HSDL2: variants seen among roughly 807,000 people sequenced by gnomAD.
HSDL2 encodes the protein hydroxysteroid dehydrogenase-like protein 2.
A neutral mutation model predicts 46.3 loss-of-function variants in HSDL2; 27 were observed. The ratio of observed to expected loss-of-function variants is 0.58; its 90% CI spans 0.43 to 0.80. HSDL2 has a LOEUF of 0.80. Ranked by LOEUF, HSDL2 falls within the 30% of genes least tolerant of loss-of-function variation. HSDL2 has a pLI of 0.00. For missense variants in HSDL2, 451 were observed against 502.7 expected (o/e 0.90, Z 0.98); for synonymous variants, 153 against 163.6 (o/e 0.94, Z 0.50).
At chr9:112,431,661 T>C (rs983966261) in intron 6 of HSDL2, among the ~76,000 whole-genome samples, 1 of 152,102 alleles carries the variant, frequency 6.6e-6, no homozygotes, top group African/African-American at 2.4e-5. Context: ...AGTTCTCATC[T>C]CGTTTTTAAA....
chr9:112,408,963 A>G lies in HSDL2; in HGVS notation c.337A>G (p.Thr113Ala). The G allele has an allele frequency of 1.2e-6, 2 of 1,609,532 alleles. No homozygotes were observed. The highest frequency in any genetic ancestry group is 1.7e-6 in the Non-Finnish European group (2 of 1,177,084). The change falls in exon 4 of 11, where the codon ACA becomes GCA. Residue 113 changes from threonine to alanine, a missense_variant. Physicochemically the swap from Thr to Ala is moderately conservative, Grantham distance 58 (BLOSUM62 0). Transcript: ENST00000398805. ...CATTAGTTTGACCAATACATTGGACACACCTACCAAGAGATTGGATCTGAT... is the reference window on the plus strand; with the variant it reads ...CATTAGTTTGACCAATACATTGGACGCACCTACCAAGAGATTGGATCTGAT... The part of the protein sequence containing the change: ...SAISLTNTLD[T>A]PTKRLDLMMN...
intron 4 of HSDL2, among the ~76,000 whole-genome samples, chr9:112,414,818 C>T (rs141392101): frequency 3.2e-4 from 48 of 152,224 alleles, no homozygotes; most frequent in African/African-American, 9.4e-4. Flanking sequence ...ACCAAAACCC[C>T]TCTAGTGGTA....
chr9:112,421,372 A>T (rs906230298), intron 6 of HSDL2, among the ~76,000 whole-genome samples: 1 of 152,142 alleles, frequency 6.6e-6, no homozygotes. Context: ...AAACTTGATT[A>T]TACTCACATT....
chr9:112,397,573 C>A lies in HSDL2; in HGVS notation c.18-6422C>A, dbSNP rs569869209. ...CTCATACACACCTTTGTTACTTGTT[C>A]CATGGTGAGAGCATCAAAGCCTAAT... On this transcript the variant is annotated intron_variant, in intron 1 of 10. Transcript: ENST00000398805. 3.3e-5 allele frequency among the ~76,000 whole-genome samples: 5 copies of A among 152,254 alleles called. No homozygotes were observed. The South Asian group carries it at 8.3e-4, about 25-fold the overall frequency.
intron 6 of HSDL2, among the ~76,000 whole-genome samples, chr9:112,438,001 A>C (rs1049770690): frequency 6.6e-6 from 1 of 152,116 alleles, no homozygotes; most frequent in African/African-American, 2.4e-5. Flanking sequence ...TAATCCCAGC[A>C]CTTTGGGAGG....
At chr9:112,400,882 A>G (rs1345825593) in intron 1 of HSDL2, among the ~76,000 whole-genome samples, 1 of 152,116 alleles carries the variant, frequency 6.6e-6, no homozygotes, top group Non-Finnish European at 1.5e-5. Flanking sequence ...TCTTAGAAGG[A>G]CACCTGTCCG....
intron 6 of HSDL2, among the ~76,000 whole-genome samples, chr9:112,438,149 A>G (rs1832566352): frequency 6.6e-6 from 1 of 152,194 alleles, no homozygotes; most frequent in Non-Finnish European, 1.5e-5. Context: ...GGCTGGGTTC[A>G]ATCACTTGAA....
intron 10 of HSDL2, among the ~76,000 whole-genome samples, chr9:112,465,620 T>C (rs544666793): frequency 6.6e-6 from 1 of 152,344 alleles, no homozygotes; most frequent in African/African-American, 2.4e-5. Flanking sequence ...GATTTGCATA[T>C]TCTGAATATT....
At chr9:112,390,394 A>G (rs1831314225) in intron 1 of HSDL2, among the ~76,000 whole-genome samples, 1 of 152,122 alleles carries the variant, frequency 6.6e-6, no homozygotes, top group African/African-American at 2.4e-5. Context: ...GAAAAAATGT[A>G]TTAGTCCCTT....
chr9:112,460,745 A>G (rs1833183699), intron 10 of HSDL2, among the ~76,000 whole-genome samples: 1 of 151,980 alleles, frequency 6.6e-6, no homozygotes, highest in South Asian at 2.1e-4. Flanking sequence ...AACCGTCTCA[A>G]AAAAAGAGAA....
chr9:112,407,961 C>G (rs1831767615), intron 3 of HSDL2, among the ~76,000 whole-genome samples: 2 of 152,096 alleles, frequency 1.3e-5, no homozygotes, highest in Non-Finnish European at 2.9e-5. Context: ...TAACTATAAG[C>G]AAAACTTGTT....
chr9:112,431,642 TAGTG>T (rs1832405750), intron 6 of HSDL2, among the ~76,000 whole-genome samples: 1 of 152,114 alleles, frequency 6.6e-6, no homozygotes, highest in Non-Finnish European at 1.5e-5. Flanking sequence ...GCCCTCACCA[TAGTG>T]AGTGAGTTCT....
At chr9:112,385,212 A>G (rs374605246) in intron 1 of HSDL2, among the ~76,000 whole-genome samples, 3 of 152,236 alleles carry the variant, frequency 2.0e-5, no homozygotes, top group African/African-American at 7.2e-5. Context: ...TGTTTTATAT[A>G]TATATATGTT....
chr9:112,422,571 G>C (rs1194029196), intron 6 of HSDL2, among the ~76,000 whole-genome samples: 2 of 152,128 alleles, frequency 1.3e-5, no homozygotes, highest in Non-Finnish European at 2.9e-5. Context: ...CAGAAGAGCA[G>C]AAACACCCTG....
At chr9:112,382,746 G>T (rs1363905281) in intron 1 of HSDL2, among the ~76,000 whole-genome samples, 1 of 152,076 alleles carries the variant, frequency 6.6e-6, no homozygotes, top group Non-Finnish European at 1.5e-5. Flanking sequence ...TAACAAATGA[G>T]GTTTTTCGTT....
chr9:112,454,738 C>T (rs1001481607), intron 9 of HSDL2, among the ~76,000 whole-genome samples: 11 of 152,118 alleles, frequency 7.2e-5, no homozygotes, highest in Admixed American at 2.0e-4. Flanking sequence ...TGGAGTCTCG[C>T]TTTGTTGCCC....
At chr9:112,444,538 G>A (rs1832706103) in intron 8 of HSDL2, among the ~76,000 whole-genome samples, 1 of 152,034 alleles carries the variant, frequency 6.6e-6, no homozygotes, top group Non-Finnish European at 1.5e-5. Flanking sequence ...AGGAGTTCAA[G>A]ACTAGTCTGG....
intron 8 of HSDL2, among the ~76,000 whole-genome samples, chr9:112,450,941 G>A (rs1832872478): frequency 6.6e-6 from 1 of 152,076 alleles, no homozygotes; most frequent in Non-Finnish European, 1.5e-5. Flanking sequence ...GGTATCTCAT[G>A]TCTGTAATCC....
intron 6 of HSDL2, among the ~76,000 whole-genome samples, chr9:112,423,777 A>G (rs1360543932): frequency 6.6e-6 from 1 of 151,944 alleles, no homozygotes; most frequent in Non-Finnish European, 1.5e-5. Context: ...GTGCAGTGGC[A>G]CAATTAGCTC....
Sources: gnomAD v4.1 joint callset for allele counts (sites outside exome capture counted in the v4.1 genomes callset) on GRCh38, gnomAD v4.1.1 for gene constraint, MANE v1.5 for transcripts, NCBI Gene and HGNC (gene_info 2026-07-23, HGNC 2026-07-21) for gene names.